Variants in CEP128 observed in about 807,000 individuals in gnomAD.
CEP128 encodes the protein centrosomal protein 128.
Under a neutral mutation model 156.7 loss-of-function variants are expected in CEP128, and 132 were observed. That is an observed-to-expected ratio of 0.84 (90% CI 0.73 to 0.97). The LOEUF is 0.97. CEP128 is among the 50% of genes least tolerant of loss of function. The pLI is 0.00. For missense variants in CEP128, 1,252 were observed against 1,281.9 expected (o/e 0.98, Z 0.36); for synonymous variants, 469 against 448.9 (o/e 1.04, Z -0.57).
intron 16 of CEP128, among the ~76,000 whole-genome samples, chr14:80,774,261 CCACA>C (rs1446949503): frequency 6.6e-6 from 1 of 152,062 alleles, no homozygotes; most frequent in African/African-American, 2.4e-5. Flanking sequence ...CAATCTAAAA[CCACA>C]CAGTCAAAAT....
At chr14:80,506,788 C>T (rs969901977) in intron 23 of CEP128, among the ~76,000 whole-genome samples, 2 of 152,140 alleles carry the variant, frequency 1.3e-5, no homozygotes, top group African/African-American at 2.4e-5. Flanking sequence ...GAGCCAAAGG[C>T]ACGAACATAA....
chr14:80,530,725 T>C (rs1280947588), intron 22 of CEP128, 84 bp downstream of exon 22: 2 of 952,360 alleles, frequency 2.1e-6, no homozygotes, highest in East Asian at 5.2e-5. Flanking sequence ...CTTCCTTTTC[T>C]ATACTTTTCT....
At chr14:80,847,063 A>G (rs925481819) in intron 9 of CEP128, among the ~76,000 whole-genome samples, 21 of 152,204 alleles carry the variant, frequency 1.4e-4, no homozygotes, top group African/African-American at 4.1e-4. Flanking sequence ...TATCAAGTAC[A>G]AGGTTGAAAG....
At chr14:80,779,683 C>T (rs1900996942) in intron 15 of CEP128, among the ~76,000 whole-genome samples, 2 of 152,178 alleles carry the variant, frequency 1.3e-5, no homozygotes, top group Admixed American at 1.3e-4. Context: ...TCAGAACCCC[C>T]AAACTTGGCA....
intron 4 of CEP128, among the ~76,000 whole-genome samples, chr14:80,912,591 A>G (rs1190963399): frequency 6.6e-6 from 1 of 152,196 alleles, no homozygotes; most frequent in Non-Finnish European, 1.5e-5. Flanking sequence ...AACAAAGTCT[A>G]TAGAGCTCCA....
chr14:80,819,239 CTTTTTTTTTTTTTT>C (rs1187431254), intron 13 of CEP128, among the ~76,000 whole-genome samples: 1 of 82,748 alleles, frequency 1.2e-5, no homozygotes. Context: ...TGGCATCTTC[CTTTTTTTTTTTTTT>C]TTTTTTTTTT....
intron 20 of CEP128, among the ~76,000 whole-genome samples, chr14:80,576,346 C>T (rs961774764): frequency 3.9e-5 from 6 of 152,156 alleles, no homozygotes; most frequent in Non-Finnish European, 7.3e-5. Flanking sequence ...TACTGCACTA[C>T]ACATTTATAG....
intron 9 of CEP128, among the ~76,000 whole-genome samples, chr14:80,855,694 C>A (rs113371670): frequency 2.6e-5 from 4 of 152,200 alleles, no homozygotes; most frequent in African/African-American, 9.6e-5. Context: ...CTTGGAAAGG[C>A]CTCCACGACT....
chr14:80,814,001 T>C (rs1884705817), intron 13 of CEP128, among the ~76,000 whole-genome samples: 2 of 152,196 alleles, frequency 1.3e-5, no homozygotes, highest in South Asian at 4.1e-4. Context: ...TTGGCAATTA[T>C]TTTGTTGCAG....
chr14:80,835,823 T>C (rs1039414746), intron 12 of CEP128, among the ~76,000 whole-genome samples: 10 of 152,102 alleles, frequency 6.6e-5, no homozygotes, highest in African/African-American at 9.7e-5. Flanking sequence ...TACTGAAAAT[T>C]GAGATAAGAG....
intron 18 of CEP128, among the ~76,000 whole-genome samples, chr14:80,753,085 C>T (rs892692913): frequency 2.6e-5 from 4 of 152,122 alleles, no homozygotes; most frequent in African/African-American, 9.7e-5. Context: ...ATCTCATCTG[C>T]TTGTTGCTTA....
chr14:80,748,300 T>C (rs1214838455), intron 18 of CEP128, among the ~76,000 whole-genome samples: 2 of 152,170 alleles, frequency 1.3e-5, no homozygotes, highest in Non-Finnish European at 2.9e-5. Context: ...AAAGCTTCCA[T>C]AGGACAGAAA....
At chr14:80,760,782 G>A (rs1465886829) in intron 17 of CEP128, among the ~76,000 whole-genome samples, 2 of 152,082 alleles carry the variant, frequency 1.3e-5, no homozygotes, top group East Asian at 1.9e-4. Flanking sequence ...ATTTTACTAT[G>A]ACTCTAAATT....
intron 15 of CEP128, among the ~76,000 whole-genome samples, chr14:80,781,345 T>A (rs1217236952): frequency 6.6e-6 from 1 of 150,594 alleles, no homozygotes; most frequent in East Asian, 2.0e-4. Context: ...TAGTCCCAGC[T>A]ACTTGGGAGG....
At chr14:80,504,824 T>C (rs1259197450) in intron 24 of CEP128, 88 bp downstream of exon 24, 16 of 503,004 alleles carry the variant, frequency 3.2e-5, no homozygotes, top group East Asian at 6.4e-5. Context: ...TGAATATTAC[T>C]ATCATATACT....
At chr14:80,950,813 C>T (rs1398950476) in intron 2 of CEP128, among the ~76,000 whole-genome samples, 1 of 150,302 alleles carries the variant, frequency 6.7e-6, no homozygotes, top group African/African-American at 2.4e-5. Context: ...CAAAATACCC[C>T]AAGCACAGGA....
intron 2 of CEP128, among the ~76,000 whole-genome samples, chr14:80,946,864 C>G (rs922787877): frequency 6.6e-6 from 1 of 152,088 alleles, no homozygotes; most frequent in African/African-American, 2.4e-5. Flanking sequence ...GGGGGTGGGA[C>G]GTGGTGGGAG....
intron 19 of CEP128, among the ~76,000 whole-genome samples, chr14:80,604,051 T>C (rs1892684797): frequency 6.6e-6 from 1 of 152,184 alleles, no homozygotes; most frequent in Non-Finnish European, 1.5e-5. Flanking sequence ...AAAAGCAATA[T>C]TTTCTAGTTC....
chr14:80,544,564 C>T (rs964896356), intron 21 of CEP128, among the ~76,000 whole-genome samples: 2 of 152,168 alleles, frequency 1.3e-5, no homozygotes, highest in African/African-American at 4.8e-5. Flanking sequence ...TAATAATCTG[C>T]CAAAGGGCCT....
Sources: allele counts gnomAD v4.1 joint callset (sites outside exome capture counted in the v4.1 genomes callset), GRCh38; gene constraint gnomAD v4.1.1; transcripts MANE v1.5; gene names NCBI Gene and HGNC (gene_info 2026-07-23, HGNC 2026-07-21).